MED13L: variants seen among roughly 807,000 people sequenced by gnomAD.
The protein encoded by MED13L is mediator complex subunit 13L.
Under a neutral mutation model 220.9 loss-of-function variants are expected in MED13L, and 7 were observed. The observed-to-expected ratio is 0.03, with a 90% CI of 0.02 to 0.06. The LOEUF is 0.06. MED13L is among the 10% of genes least tolerant of loss of function. MED13L has a pLI of 1.00. For synonymous variants in MED13L, 1,011 were observed against 1,015.2 expected (o/e 1.00, Z 0.08); for missense variants, 1,965 against 2,760.5 (o/e 0.71, Z 6.46).
At chr12:116,219,921 C>T (rs955746067) in intron 2 of MED13L, among the ~76,000 whole-genome samples, 1 of 152,034 alleles carries the variant, frequency 6.6e-6, no homozygotes, top group African/African-American at 2.4e-5. Flanking sequence ...CTCAGCCTCC[C>T]GAGTAGCTGA....
intron 4 of MED13L, among the ~76,000 whole-genome samples, chr12:116,030,711 A>G (rs1880687192): frequency 6.6e-6 from 1 of 152,222 alleles, no homozygotes; most frequent in African/African-American, 2.4e-5. Flanking sequence ...GGGAACAAAC[A>G]TAGAGGAAAT....
At chr12:116,037,502 C>A (rs1881261191) in intron 4 of MED13L, among the ~76,000 whole-genome samples, 1 of 152,116 alleles carries the variant, frequency 6.6e-6, no homozygotes, top group Admixed American at 6.5e-5. Context: ...AAATCCAAAA[C>A]GTTCTGATCC....
At chr12:116,114,158 AAT>A (rs941976230) in intron 2 of MED13L, among the ~76,000 whole-genome samples, 2 of 152,112 alleles carry the variant, frequency 1.3e-5, no homozygotes, top group African/African-American at 2.4e-5. Context: ...TACCTGTCTT[AAT>A]ATCTCATATT....
chr12:116,073,501 A>T (rs938359331), intron 4 of MED13L, among the ~76,000 whole-genome samples: 1 of 152,262 alleles, frequency 6.6e-6, no homozygotes, highest in African/African-American at 2.4e-5. Context: ...AAGAACAAGA[A>T]CTAAATGAAT....
At chr12:115,975,468 C>T (rs770622884) in intron 24 of MED13L, 47 bp downstream of exon 24, 44 of 1,597,348 alleles carry the variant, frequency 2.8e-5, no homozygotes, top group South Asian at 6.6e-5. Flanking sequence ...ATTTGAGGAA[C>T]GGTACAGCAT....
chr12:115,967,467 TA>T (rs1326717838), intron 28 of MED13L, among the ~76,000 whole-genome samples: 1 of 152,174 alleles, frequency 6.6e-6, no homozygotes, highest in African/African-American at 2.4e-5. Flanking sequence ...GGCATTGAAT[TA>T]AAGACTTTAG....
intron 4 of MED13L, among the ~76,000 whole-genome samples, chr12:116,087,213 T>G (rs1281614084): frequency 6.6e-6 from 1 of 152,230 alleles, no homozygotes; most frequent in African/African-American, 2.4e-5. Context: ...TGTTAGGTTC[T>G]GTATTAGCTA....
intron 2 of MED13L, among the ~76,000 whole-genome samples, chr12:116,205,022 T>C (rs1882225649): frequency 6.6e-6 from 1 of 152,166 alleles, no homozygotes; most frequent in Admixed American, 6.5e-5. Flanking sequence ...CATAAACCCT[T>C]TCTTCCAACT....
intron 4 of MED13L, among the ~76,000 whole-genome samples, chr12:116,034,618 C>T (rs992131415): frequency 3.3e-5 from 5 of 152,180 alleles, no homozygotes; most frequent in Admixed American, 1.3e-4. Flanking sequence ...GTCCGACATC[C>T]GTTCCACTTT....
chr12:116,140,735 C>T (rs1876995490), intron 2 of MED13L, among the ~76,000 whole-genome samples: 1 of 152,222 alleles, frequency 6.6e-6, no homozygotes, highest in African/African-American at 2.4e-5. Flanking sequence ...GGAGCAGAAA[C>T]TGATTCAGCA....
intron 2 of MED13L, among the ~76,000 whole-genome samples, chr12:116,204,576 C>G (rs1184715503): frequency 6.6e-6 from 1 of 152,210 alleles, no homozygotes; most frequent in Non-Finnish European, 1.5e-5. Context: ...TGTTTGCTGT[C>G]ATGACTTTTA....
chr12:116,264,989 TAGAC>T (rs1378049568), intron 1 of MED13L, among the ~76,000 whole-genome samples: 5 of 152,304 alleles, frequency 3.3e-5, no homozygotes, highest in Admixed American at 1.3e-4. Flanking sequence ...CTAGATTGAT[TAGAC>T]AGACAGACAG....
At position 115,996,594 on chromosome 12, in the gene MED13L, A is replaced by G. The variant is rs763390073; in HGVS notation, c.2878T>C (p.Cys960Arg). 2 of 1,614,010 alleles carry G rather than the reference A, an allele frequency of 1.2e-6. No homozygotes were observed. Among genetic ancestry groups the G allele is most frequent in the African/African-American group, 1.3e-5 (1 of 74,928 alleles). ...FAPLKMLPSH[C>R]LLPLKIPDAC... The stretch of plus-strand genomic sequence containing the variant: ...TCAGGTATCTTCAGAGGTAGCAAAC[A>G]ATGGCTCGGCAACATCTTCAGTGGA... Residue 960 changes from cysteine to arginine, a missense_variant, in exon 16 of 31, where the codon TGT becomes CGT. This residue lies in a region of MED13L where 233 missense variants were observed against 306.2 expected (regional missense o/e 0.76). Coordinates refer to ENST00000281928, the MANE Select transcript of MED13L (RefSeq NM_015335.5).
At chr12:116,119,289 A>T (rs751078257) in intron 2 of MED13L, among the ~76,000 whole-genome samples, 32 of 152,132 alleles carry the variant, frequency 2.1e-4, no homozygotes, top group Non-Finnish European at 3.7e-4. Context: ...GCCGATGGAG[A>T]TATCTTTCTG....
chr12:116,273,879 G>A (rs952198708), intron 1 of MED13L, among the ~76,000 whole-genome samples: 1 of 152,168 alleles, frequency 6.6e-6, no homozygotes, highest in African/African-American at 2.4e-5. Flanking sequence ...CAGAAATTAT[G>A]TCTTCTCACA....
At chr12:116,044,909 T>C (rs1001439821) in intron 4 of MED13L, among the ~76,000 whole-genome samples, 1 of 152,230 alleles carries the variant, frequency 6.6e-6, no homozygotes, top group Admixed American at 6.5e-5. Flanking sequence ...GTCATTTTCA[T>C]GGTGGCTTGG....
intron 4 of MED13L, among the ~76,000 whole-genome samples, chr12:116,059,583 A>C (rs535003801): frequency 4.0e-5 from 6 of 151,660 alleles, no homozygotes; most frequent in Non-Finnish European, 7.4e-5. Flanking sequence ...ATGCCCAGCT[A>C]ATTTTTGTGT....
chr12:116,010,969 C>T (rs564631412), intron 9 of MED13L, among the ~76,000 whole-genome samples: 1 of 151,646 alleles, frequency 6.6e-6, no homozygotes, highest in Non-Finnish European at 1.5e-5. Context: ...CTCCGCCTCC[C>T]GGGTTCAAGC....
intron 4 of MED13L, among the ~76,000 whole-genome samples, chr12:116,058,123 CAT>C (rs1869125319): frequency 6.6e-6 from 1 of 152,104 alleles, no homozygotes; most frequent in African/African-American, 2.4e-5. Flanking sequence ...AGACATCAAA[CAT>C]ACTTTCTTCC....
Sources: gnomAD v4.1 joint callset for allele counts (sites outside exome capture counted in the v4.1 genomes callset) on GRCh38, gnomAD v4.1.1 for gene constraint, gnomAD v4.1.1 regional missense constraint, MANE v1.5 for transcripts, NCBI Gene and HGNC (gene_info 2026-07-23, HGNC 2026-07-21) for gene names.